Variants in TPH1 observed in about 807,000 individuals in gnomAD.
The protein encoded by TPH1 is tryptophan hydroxylase 1, also known as tryptophan 5-hydroxylase 1.
TPH1 carries 37 observed loss-of-function variants against 49.5 expected under a neutral mutation model. The ratio of observed to expected loss-of-function variants is 0.75; its 90% confidence interval spans 0.58 to 0.98. The LOEUF is 0.98. TPH1 is among the 50% of genes least tolerant of loss of function. The pLI is 0.00. For missense variants in TPH1, 487 were observed against 523.6 expected (o/e 0.93, Z 0.68); for synonymous variants, 160 against 182.1 (o/e 0.88, Z 0.98).
intron 7 of TPH1, 48 bp downstream of exon 7, chr11:18,026,442 T>C (rs1463378188): frequency 6.6e-7 from 1 of 1,523,042 alleles, no homozygotes. Context: ...GATGCCATTA[T>C]TATAAATAAC....
chr11:18,036,495 C>T (rs1243156831), intron 2 of TPH1, among the ~76,000 whole-genome samples: 1 of 152,106 alleles, frequency 6.6e-6, no homozygotes, highest in Non-Finnish European at 1.5e-5. Context: ...AAAAGTGATA[C>T]CAATGTTAGT....
intron 1 of TPH1, among the ~76,000 whole-genome samples, chr11:18,041,927 C>T (rs923970704): frequency 6.6e-6 from 1 of 152,176 alleles, no homozygotes; most frequent in African/African-American, 2.4e-5. Context: ...AAAAACAAGA[C>T]AACTTGCCTC....
intron 5 of TPH1, 47 bp from the exon 6 acceptor site, chr11:18,029,408 A>G: frequency 6.3e-7 from 1 of 1,576,124 alleles, no homozygotes; most frequent in East Asian, 2.2e-5. Flanking sequence ...CATTTAATAA[A>G]TAGTGGCACT....
intron 1 of TPH1, among the ~76,000 whole-genome samples, chr11:18,045,331 TA>T (rs754708204): frequency 6.6e-6 from 1 of 152,062 alleles, no homozygotes; most frequent in Non-Finnish European, 1.5e-5. Flanking sequence ...TTCTAGGAAA[TA>T]AAGGCACTGG....
In TPH1 at chr11:18,019,117, T is replaced by G. The variant is rs1336589919; in HGVS notation, c.*1874A>C. ...GTTGATTAGCTATTAAAATGTACAA[T>G]GTAAAAATTTAAAACAGCATGAATT... On this transcript the variant is annotated 3_prime_UTR_variant, in exon 11 of 11. Transcript: ENST00000682019. 6.6e-6 allele frequency: 1 copy of G among 152,434 alleles called. No individual in the cohort carries two copies. Among genetic ancestry groups the G allele is most frequent in the Admixed American group, 6.5e-5 (1 of 15,292 alleles). 9.4% of individuals were successfully genotyped at this position (152,434 alleles called of 1,614,324 possible).
At chr11:18,026,003 T>C (rs1311264491) in intron 7 of TPH1, among the ~76,000 whole-genome samples, 1 of 151,874 alleles carries the variant, frequency 6.6e-6, no homozygotes. Context: ...TGCTCAGATA[T>C]CACCTTCTCA....
chr11:18,030,532 A>G (rs1026936975), intron 4 of TPH1, among the ~76,000 whole-genome samples: 4 of 152,180 alleles, frequency 2.6e-5, no homozygotes, highest in African/African-American at 9.7e-5. Context: ...ATACAGATCT[A>G]TGAGGTAGCA....
At chr11:18,040,564 G>C (rs1237300316) in intron 2 of TPH1, 82 bp downstream of exon 2, 3 of 1,346,392 alleles carry the variant, frequency 2.2e-6, no homozygotes, top group African/African-American at 1.5e-5. Flanking sequence ...ATAGGGTCTT[G>C]CTATGTTGCC....
At chr11:18,046,102 C>T (rs1291603374) in intron 1 of TPH1, among the ~76,000 whole-genome samples, 139 bp downstream of exon 1, 1 of 152,206 alleles carries the variant, frequency 6.6e-6, no homozygotes, top group Non-Finnish European at 1.5e-5. Context: ...GGGTACAACT[C>T]CGACCTCCCA....
intron 2 of TPH1, among the ~76,000 whole-genome samples, chr11:18,036,575 G>T (rs1206232768): frequency 6.6e-6 from 1 of 152,136 alleles, no homozygotes; most frequent in Non-Finnish European, 1.5e-5. Flanking sequence ...TGAGCACAGA[G>T]TATTTAATAC....
Position 18,019,765 on chromosome 11 carries a change from A to G in TPH1, c.*1226T>C. 1 of 457,050 alleles carries G rather than the reference A, an allele frequency of 2.2e-6. No homozygotes were observed. The highest frequency in any genetic ancestry group is 4.4e-6 in the Non-Finnish European group (1 of 227,136). 28.3% of individuals were successfully genotyped at this position (457,050 alleles called of 1,614,324 possible). On this transcript the variant is annotated 3_prime_UTR_variant, in exon 11 of 11. Transcript: ENST00000682019. Reference sequence around the variant, plus strand: ...TAGAGGGAGGAAAGGGGCAAATTAAAGAGACATAAGTTTGTATTTTGGAGT... The same window carrying G: ...TAGAGGGAGGAAAGGGGCAAATTAAGGAGACATAAGTTTGTATTTTGGAGT...
chr11:18,023,745 A>G (rs1039799020), intron 9 of TPH1, 143 bp downstream of exon 9: 37 of 651,900 alleles, frequency 5.7e-5, no homozygotes, highest in Non-Finnish European at 3.0e-5. Context: ...ATTGGGAAAT[A>G]GAGAAAAATA....
At chr11:18,044,195 G>T (rs551216426) in intron 1 of TPH1, among the ~76,000 whole-genome samples, 2 of 152,128 alleles carry the variant, frequency 1.3e-5, no homozygotes, top group Admixed American at 1.3e-4. Flanking sequence ...AGGCCGAGGC[G>T]GGCGAATCAT....
chr11:18,026,906 A>C (rs1358442466), intron 6 of TPH1, among the ~76,000 whole-genome samples: 1 of 152,210 alleles, frequency 6.6e-6, no homozygotes, highest in African/African-American at 2.4e-5. Context: ...TCAGAGACTC[A>C]ATAATGTGCC....
At chr11:18,026,416 A>C in intron 7 of TPH1, 74 bp downstream of exon 7, 1 of 1,239,420 alleles carries the variant, frequency 8.1e-7, no homozygotes. Context: ...AAAAAAAAAA[A>C]AGAACCCATA....
chr11:18,037,648 G>A (rs1303393096), intron 2 of TPH1, among the ~76,000 whole-genome samples: 1 of 152,060 alleles, frequency 6.6e-6, no homozygotes, highest in Non-Finnish European at 1.5e-5. Flanking sequence ...GAAAAAAAAA[G>A]ATGCAAAAAT....
At chr11:18,026,138 T>G (rs1474711864) in intron 7 of TPH1, among the ~76,000 whole-genome samples, 1 of 152,146 alleles carries the variant, frequency 6.6e-6, no homozygotes, top group African/African-American at 2.4e-5. Flanking sequence ...CACCACTCGA[T>G]GCAACATTTG....
At chr11:18,046,166 G>C (rs1050646467) in intron 1 of TPH1, among the ~76,000 whole-genome samples, 75 bp downstream of exon 1, 14 of 152,198 alleles carry the variant, frequency 9.2e-5, no homozygotes, top group African/African-American at 3.4e-4. Flanking sequence ...ACTCTGCCCA[G>C]CCCCGCGCCT....
intron 2 of TPH1, among the ~76,000 whole-genome samples, chr11:18,039,455 T>G (rs1293356637): frequency 6.6e-6 from 1 of 152,228 alleles, no homozygotes; most frequent in Non-Finnish European, 1.5e-5. Flanking sequence ...GACCAGAGCT[T>G]AACCACAGTG....
Sources: gnomAD v4.1 joint callset for allele counts (sites outside exome capture counted in the v4.1 genomes callset) on GRCh38, gnomAD v4.1.1 for gene constraint, MANE v1.5 for transcripts, NCBI Gene and HGNC (gene_info 2026-07-23, HGNC 2026-07-21) for gene names.